Variants in SKP2 observed in about 807,000 individuals in gnomAD.
SKP2 encodes S-phase kinase associated protein 2.
A neutral mutation model predicts 51.8 loss-of-function variants in SKP2; 16 were observed. That is an observed-to-expected ratio of 0.31 (90% CI 0.21 to 0.47). The LOEUF (loss-of-function observed/expected upper bound fraction) is 0.47. Among genes scored for constraint, SKP2 ranks in the 20% least tolerant of loss-of-function variants. The pLI is 1.00. For missense variants in SKP2, 377 were observed against 505.3 expected (o/e 0.75, Z 2.43); for synonymous variants, 176 against 198.6 (o/e 0.89, Z 0.96).
chr5:36,176,840 A>G lies in SKP2; in HGVS notation c.902-125A>G, dbSNP rs559510869. 8.4e-6 allele frequency: 5 copies of G among 592,922 alleles called. No individual in the cohort carries two copies. The South Asian group carries it at 1.2e-4, about 14-fold the overall frequency. 36.7% of individuals were successfully genotyped at this position (592,922 alleles called of 1,614,324 possible). A position where few individuals can be genotyped will look rare whatever the true frequency, so the allele number is the denominator to read the frequency against. On this transcript the variant is annotated intron_variant, in intron 7 of 9. Transcript: ENST00000274255. ...AAGATGATCATTTTTTCTTTCTAAT[A>G]GTGTGTGGTTCTAATTGCATTGCCC...
At chr5:36,178,975 G>A (rs999241250) in intron 9 of SKP2, among the ~76,000 whole-genome samples, 23 of 152,050 alleles carry the variant, frequency 1.5e-4, no homozygotes, top group African/African-American at 4.6e-4. Context: ...TTACAAACAC[G>A]GGTCTGAAGT....
chr5:36,159,471 T>C (rs1745056966), intron 2 of SKP2, among the ~76,000 whole-genome samples: 1 of 152,214 alleles, frequency 6.6e-6, no homozygotes, highest in African/African-American at 2.4e-5. Flanking sequence ...CTATAGCCCC[T>C]TGAAGCCCCC....
intron 2 of SKP2, among the ~76,000 whole-genome samples, chr5:36,158,914 C>G (rs1745036871): frequency 6.6e-6 from 1 of 152,178 alleles, no homozygotes. Flanking sequence ...CAGCCTCATC[C>G]CCTCCATATG....
chr5:36,171,488 T>C, intron 6 of SKP2, 115 bp from the exon 7 acceptor site: 2 of 948,210 alleles, frequency 2.1e-6, no homozygotes, highest in South Asian at 1.6e-5. Context: ...GCAGGTGTTC[T>C]GTGCATGAAA....
At chr5:36,162,032 T>C (rs1359744546) in intron 2 of SKP2, among the ~76,000 whole-genome samples, 1 of 152,240 alleles carries the variant, frequency 6.6e-6, no homozygotes, top group Non-Finnish European at 1.5e-5. Context: ...TGAATAGTTA[T>C]TTAGAGATTG....
At chr5:36,156,245 G>A (rs972881116) in intron 2 of SKP2, among the ~76,000 whole-genome samples, 5 of 152,156 alleles carry the variant, frequency 3.3e-5, no homozygotes, top group Admixed American at 1.3e-4. Context: ...GATTCCCAAT[G>A]GGCCTTTGGA....
chr5:36,171,373 A>G (rs1745467176), intron 6 of SKP2, among the ~76,000 whole-genome samples: 1 of 152,134 alleles, frequency 6.6e-6, no homozygotes, highest in Non-Finnish European at 1.5e-5. Flanking sequence ...GCTTCTCTCC[A>G]TTTCGAGGAG....
At chr5:36,168,578 C>T in intron 5 of SKP2, 131 bp downstream of exon 5, 2 of 826,782 alleles carry the variant, frequency 2.4e-6, no homozygotes, top group South Asian at 1.7e-5. Context: ...AGTGCTCTAG[C>T]TTCTGCAAAA....
chr5:36,170,509 A>G, intron 6 of SKP2, 67 bp downstream of exon 6: 3 of 934,638 alleles, frequency 3.2e-6, no homozygotes, highest in Middle Eastern at 2.2e-4. Flanking sequence ...TCACATCTGT[A>G]TAAAATGGGA....
chr5:36,176,714 T>C (rs1474544303), intron 7 of SKP2, among the ~76,000 whole-genome samples: 1 of 151,996 alleles, frequency 6.6e-6, no homozygotes, highest in African/African-American at 2.4e-5. Context: ...TTTTCCAGCC[T>C]GCTATTGCTG....
intron 6 of SKP2, 30 bp downstream of exon 6, chr5:36,170,472 C>A: frequency 7.8e-7 from 1 of 1,289,762 alleles, no homozygotes; most frequent in Non-Finnish European, 1.1e-6. Flanking sequence ...TGATTATAGA[C>A]TCTTATGTCA....
intron 6 of SKP2, among the ~76,000 whole-genome samples, chr5:36,189,520 G>A (rs1170749775): frequency 1.3e-5 from 2 of 152,218 alleles, no homozygotes. Flanking sequence ...CAGCAGCGGA[G>A]GCTGCAGAAC....
intron 2 of SKP2, among the ~76,000 whole-genome samples, chr5:36,155,881 A>G (rs1295172466): frequency 2.0e-5 from 3 of 152,142 alleles, no homozygotes; most frequent in Non-Finnish European, 4.4e-5. Context: ...AGTCTTTGCT[A>G]TTTCCCAGGA....
At chr5:36,177,346 C>T (rs1056815054) in intron 9 of SKP2, 54 bp downstream of exon 9, 1 of 1,062,150 alleles carries the variant, frequency 9.4e-7, no homozygotes, top group Non-Finnish European at 1.5e-6. Flanking sequence ...AACAGAGATG[C>T]CCCTTGGTGT....
chr5:36,175,803 G>A (rs913469282), intron 7 of SKP2, among the ~76,000 whole-genome samples: 6 of 151,812 alleles, frequency 4.0e-5, no homozygotes, highest in African/African-American at 1.5e-4. Flanking sequence ...TGTATTTCAC[G>A]GAATGGATGA....
intron 1 of SKP2, 123 bp downstream of exon 1, chr5:36,152,393 C>G: frequency 1.0e-6 from 1 of 964,372 alleles, no homozygotes; most frequent in Admixed American, 1.9e-5. Context: ...TTGCTTAGCC[C>G]CTTCTTGGGG....
chr5:36,152,399 T>G lies in SKP2; in HGVS notation c.8+129T>G, dbSNP rs2111933197. On this transcript the variant is annotated intron_variant, in intron 1 of 9. Coordinates refer to ENST00000274255, the MANE Select transcript of SKP2 (RefSeq NM_005983.4). ...AGTGAATGGTTGCTTAGCCCCTTCT[T>G]GGGGAAAGTGTGAATGGATGGATGC... 4 of 928,882 alleles carry G rather than the reference T, an allele frequency of 4.3e-6. No individual in the cohort carries two copies. The South Asian group carries it at 5.6e-5, about 13-fold the overall frequency. The allele number at this position is 928,882 out of a possible 1,614,324, so 57.5% of individuals were successfully genotyped here. A position where few individuals can be genotyped will look rare whatever the true frequency, so the allele number is the denominator to read the frequency against.
intron 7 of SKP2, among the ~76,000 whole-genome samples, chr5:36,174,068 A>G (rs954885980): frequency 1.1e-4 from 16 of 152,142 alleles, no homozygotes; most frequent in African/African-American, 1.4e-4. Flanking sequence ...TAAGAGTTCA[A>G]TTAGTGTTGG....
chr5:36,157,169 C>A (rs1408378541), intron 2 of SKP2, among the ~76,000 whole-genome samples: 1 of 152,072 alleles, frequency 6.6e-6, no homozygotes, highest in Non-Finnish European at 1.5e-5. Context: ...TCCCAGTCAT[C>A]TTTCTTTGTT....
Sources: allele counts gnomAD v4.1 joint callset (sites outside exome capture counted in the v4.1 genomes callset), GRCh38; gene constraint gnomAD v4.1.1; transcripts MANE v1.5; gene names NCBI Gene and HGNC (gene_info 2026-07-23, HGNC 2026-07-21).